DAB1: variants seen among roughly 807,000 people sequenced by gnomAD.
DAB1 encodes disabled homolog 1.
A neutral mutation model predicts 64.6 loss-of-function variants in DAB1; 15 were observed. The ratio of observed to expected loss-of-function variants is 0.23; its 90% CI spans 0.16 to 0.36. DAB1 has a LOEUF of 0.36. DAB1 is among the 10% of genes least tolerant of loss of function. DAB1 has a pLI of 1.00. For missense variants in DAB1, 596 were observed against 706.7 expected, an observed-to-expected ratio of 0.84 and a Z score of 1.78; for synonymous variants, 235 against 251.9, an observed-to-expected ratio of 0.93 and a Z score of 0.64.
chr1:58,347,371 G>T (rs1433575343), intron 3 of DAB1, among the ~76,000 whole-genome samples: 2 of 152,178 alleles, frequency 1.3e-5, no homozygotes, highest in African/African-American at 4.8e-5. Context: ...GCTTCCCAAA[G>T]TGCTGATTGC....
In DAB1 at chr1:57,125,669, T is replaced by C. The variant is rs976008806; in HGVS notation, c.306+10874A>G. ...TTAAGATCATCAATAAGACCAAAGG[T>C]TGAGATTTAACACATTATACACAAG... On this transcript the variant is annotated intron_variant, in intron 4 of 14. Transcript: ENST00000371236. 3.9e-5 allele frequency among the ~76,000 whole-genome samples: 6 copies of C among 152,098 alleles called. No homozygotes were observed. In the South Asian group the frequency reaches 1.2e-3, roughly 32 times the overall value.
intron 4 of DAB1, among the ~76,000 whole-genome samples, chr1:58,222,664 G>A (rs1659238035): frequency 7.2e-5 from 11 of 152,198 alleles, no homozygotes. Flanking sequence ...CAGCTAATAA[G>A]AGGCAGAGCC....
chr1:57,091,581 T>C (rs931967624), intron 4 of DAB1, among the ~76,000 whole-genome samples: 5 of 152,220 alleles, frequency 3.3e-5, no homozygotes, highest in Admixed American at 6.5e-5. Flanking sequence ...CAGAAGTTCA[T>C]GCTTTTTCTA....
At chr1:57,023,774 A>G (rs1646697730) in intron 10 of DAB1, 135 bp from the exon 11 acceptor site, 1 of 651,940 alleles carries the variant, frequency 1.5e-6, no homozygotes. Flanking sequence ...TGTGCAGCCC[A>G]TGTGCTGGTT....
chr1:58,134,636 A>C (rs1653840981), intron 5 of DAB1, among the ~76,000 whole-genome samples: 1 of 152,194 alleles, frequency 6.6e-6, no homozygotes, highest in African/African-American at 2.4e-5. Flanking sequence ...GGCACATTTC[A>C]CATGGCCAGC....
intron 4 of DAB1, among the ~76,000 whole-genome samples, chr1:58,257,329 T>C (rs750817800): frequency 3.1e-4 from 47 of 152,230 alleles, no homozygotes; most frequent in Non-Finnish European, 6.6e-4. Flanking sequence ...ACCTTGCAGC[T>C]TGTGCATCAT....
chr1:58,448,457 G>A (rs1645096435), intron 3 of DAB1, among the ~76,000 whole-genome samples: 2 of 152,122 alleles, frequency 1.3e-5, no homozygotes. Flanking sequence ...ATTTTGAATT[G>A]GAGCACAGAT....
chr1:58,376,722 C>T (rs1171108034), intron 3 of DAB1, among the ~76,000 whole-genome samples: 5 of 126,490 alleles, frequency 4.0e-5, no homozygotes, highest in African/African-American at 1.5e-4. Context: ...GAGTTCAATT[C>T]CTGGGTATCC....
intron 8 of DAB1, among the ~76,000 whole-genome samples, chr1:57,066,220 G>A (rs1392446179): frequency 1.3e-5 from 2 of 152,150 alleles, no homozygotes; most frequent in African/African-American, 4.8e-5. Flanking sequence ...GCTTATATAG[G>A]AAGCCTGTTC....
At chr1:58,498,200 C>T (rs892164334) in intron 3 of DAB1, among the ~76,000 whole-genome samples, 12 of 151,268 alleles carry the variant, frequency 7.9e-5, no homozygotes, top group African/African-American at 2.9e-4. Context: ...TCTATCTTGA[C>T]ATGTATTTTA....
At chr1:57,426,664 T>C (rs976504024), upstream of DAB1, among the ~76,000 whole-genome samples, 1 of 152,142 alleles carries the variant, frequency 6.6e-6, no homozygotes, top group South Asian at 2.1e-4. Context: ...GCTTTCCATA[T>C]ATTAACTCAT....
At chr1:57,361,441 G>T (rs945770028) in intron 1 of DAB1, among the ~76,000 whole-genome samples, 1 of 151,828 alleles carries the variant, frequency 6.6e-6, no homozygotes, top group African/African-American at 2.4e-5. Context: ...CAACCAGATG[G>T]TAACATATTG....
At chr1:57,846,496 C>T (rs933206964) in intron 1 of DAB1, among the ~76,000 whole-genome samples, 1 of 151,850 alleles carries the variant, frequency 6.6e-6, no homozygotes, top group African/African-American at 2.4e-5. Flanking sequence ...CCTCTCCTCC[C>T]TCCTGTATTT....
In DAB1 at chr1:58,469,124, T is replaced by C. The variant is rs539017368; in HGVS notation, n.257+36936A>G. The C allele has an allele frequency of 1.4e-4, 22 of 160,522 alleles. No homozygotes were observed. In the South Asian group the frequency reaches 1.8e-3, roughly 13 times the overall value. The allele number at this position is 160,522 out of a possible 1,614,324, so 9.9% of individuals were successfully genotyped here. On this transcript the variant is annotated intron_variant and non_coding_transcript_variant, in intron 3 of 20. Transcript: ENST00000485760. The stretch of plus-strand genomic sequence containing the variant: ...GGCCAGCAGTCACAGCAAACCACTT[T>C]CATTTATTTTTGGTATCTATGTTGA...
At chr1:58,350,994 A>T (rs533338287) in intron 3 of DAB1, among the ~76,000 whole-genome samples, 1 of 152,186 alleles carries the variant, frequency 6.6e-6, no homozygotes, top group South Asian at 2.1e-4. Context: ...TCCTGTGAAG[A>T]AAGTCAGTGG....
At chr1:57,575,819 T>A (rs1464787998) in intron 7 of DAB1, among the ~76,000 whole-genome samples, 1 of 152,166 alleles carries the variant, frequency 6.6e-6, no homozygotes, top group Non-Finnish European at 1.5e-5. Context: ...ACCTATACCC[T>A]GGAGAAACAA....
intron 1 of DAB1, among the ~76,000 whole-genome samples, chr1:57,415,538 A>T (rs531915539): frequency 6.6e-6 from 1 of 152,314 alleles, no homozygotes; most frequent in East Asian, 1.9e-4. Context: ...TCAGCTTCCC[A>T]AAGGCATAAA....
chr1:57,032,809 T>C (rs1647005889), intron 9 of DAB1, among the ~76,000 whole-genome samples: 1 of 152,260 alleles, frequency 6.6e-6, no homozygotes, highest in South Asian at 2.1e-4. Context: ...CATTGGCTTC[T>C]GTATCAATCA....
At chr1:57,228,628 G>A (rs1182941203) in intron 2 of DAB1, among the ~76,000 whole-genome samples, 1 of 152,058 alleles carries the variant, frequency 6.6e-6, no homozygotes, top group Non-Finnish European at 1.5e-5. Flanking sequence ...TACCCTGCTG[G>A]TGGGTTATAT....
Sources: gnomAD v4.1 joint callset for allele counts (sites outside exome capture counted in the v4.1 genomes callset) on GRCh38, gnomAD v4.1.1 for gene constraint, MANE v1.5 for transcripts, NCBI Gene and HGNC (gene_info 2026-07-23, HGNC 2026-07-21) for gene names.